Variants in MAP7D2 observed in about 807,000 individuals in gnomAD.
MAP7D2 encodes MAP7 domain containing 2, also known as MAP7 domain-containing protein 2.
Under a neutral mutation model 63.5 loss-of-function variants are expected in MAP7D2, and 33 were observed. The observed-to-expected ratio is 0.52, with a 90% CI of 0.39 to 0.70. The LOEUF is 0.70. Among genes scored for constraint, MAP7D2 ranks in the 30% least tolerant of loss-of-function variants. The pLI is 0.00. For synonymous variants in MAP7D2, 224 were observed against 223.7 expected (o/e 1.00, Z -0.01); for missense variants, 626 against 604.0 (o/e 1.04, Z -0.38).
chrX:20,110,291 C>G (rs1004065221), intron 1 of MAP7D2, among the ~76,000 whole-genome samples: 2 of 109,460 alleles, frequency 1.8e-5, no homozygotes, highest in Admixed American at 9.8e-5. Flanking sequence ...AGTTCAAGAC[C>G]AGCCTGGCCA....
chrX:20,010,365 G>A (rs2073151061), intron 16 of MAP7D2, among the ~76,000 whole-genome samples: 1 of 112,133 alleles, frequency 8.9e-6, no homozygotes, highest in Admixed American at 9.4e-5. Flanking sequence ...CTGTGGCCCT[G>A]TATATGAATG....
At chrX:20,048,527 T>G (rs2064858235) in intron 6 of MAP7D2, among the ~76,000 whole-genome samples, 2 of 110,532 alleles carry the variant, frequency 1.8e-5, no homozygotes, top group Non-Finnish European at 3.8e-5. Flanking sequence ...GATCCTGGAG[T>G]TGCTCTTAGG....
intron 11 of MAP7D2, 146 bp downstream of exon 11, chrX:20,015,948 G>T: frequency 1.8e-6 from 1 of 563,721 alleles, no homozygotes; most frequent in Non-Finnish European, 2.9e-6. Flanking sequence ...CACTGCAACT[G>T]CCCCAACTTA....
At chrX:20,086,133 A>G (rs911304151) in intron 1 of MAP7D2, among the ~76,000 whole-genome samples, 1 of 112,626 alleles carries the variant, frequency 8.9e-6, no homozygotes, top group Non-Finnish European at 1.9e-5. Context: ...TAATAAAGGC[A>G]TTTCAAATAC....
chrX:20,042,505 G>C lies in MAP7D2; in HGVS notation c.1004C>G (p.Ser335Cys). Residue 335 changes from serine (S) to cysteine (C), a missense_variant, in exon 8 of 17, where the codon TCC becomes TGC. By Grantham distance (112) the Ser-to-Cys change is moderately radical. Transcript: ENST00000379643. Reference protein sequence around the residue: ...IPKRPSSPVISKTATKAYPQS... With the variant: ...IPKRPSSPVICKTATKAYPQS... ...GGCAAAGGGGAGAGATGCTTACTTGGATATCACAGGAGAAGATGGTCTCTT... is the reference window on the plus strand; with the variant it reads ...GGCAAAGGGGAGAGATGCTTACTTGCATATCACAGGAGAAGATGGTCTCTT... The C allele has an allele frequency of 8.3e-7, 1 of 1,210,823 alleles. No homozygotes were observed. Among genetic ancestry groups the C allele is most frequent in the South Asian group, 1.8e-5 (1 of 56,871 alleles).
intron 1 of MAP7D2, among the ~76,000 whole-genome samples, chrX:20,092,965 G>A (rs2066109267): frequency 8.9e-6 from 1 of 111,935 alleles, no homozygotes; most frequent in Admixed American, 9.5e-5. Context: ...ACTCACATGG[G>A]CCACACACTG....
chrX:20,021,126 T>C (rs2073624476), intron 10 of MAP7D2, among the ~76,000 whole-genome samples: 1 of 112,434 alleles, frequency 8.9e-6, no homozygotes, highest in African/African-American at 3.2e-5. Context: ...ACCCGGCGTC[T>C]AAGGTTTCCT....
intron 8 of MAP7D2, among the ~76,000 whole-genome samples, chrX:20,030,761 C>A (rs2074021862): frequency 8.9e-6 from 1 of 111,745 alleles, no homozygotes; most frequent in Admixed American, 9.5e-5. Flanking sequence ...GAAAGAGCAG[C>A]AGTTTTATAC....
intron 9 of MAP7D2, among the ~76,000 whole-genome samples, chrX:20,025,446 C>T (rs986088649): frequency 8.9e-6 from 1 of 111,886 alleles, no homozygotes; most frequent in Non-Finnish European, 1.9e-5. Context: ...TCAGCATCCC[C>T]GTGAGCTTCC....
At chrX:20,116,460 C>T in intron 1 of MAP7D2, 1 of 577,313 alleles carries the variant, frequency 1.7e-6, no homozygotes, top group Non-Finnish European at 2.2e-6. Flanking sequence ...CCCGCAGCAC[C>T]CCCTCAGGCA....
intron 1 of MAP7D2, among the ~76,000 whole-genome samples, chrX:20,095,743 CA>C (rs902572710): frequency 2.7e-5 from 3 of 111,633 alleles, no homozygotes; most frequent in Non-Finnish European, 5.6e-5. Flanking sequence ...AATGGATAAA[CA>C]AAATGTGGTA....
rs184432892 is a variant in MAP7D2 at position 20,063,525 on chromosome X, G to A, written c.261C>T (p.Tyr87=). ...GCCATCGCTCCTCCATTTGCTTTTC[G>A]TACTGCAGCCTGGCTCTTTTCTGTT... ...LEKQKRARLQ[Y]EKQMEERWRK... is the part of the protein sequence containing the mutation. The change falls in exon 3 of 17, where the codon TAC becomes TAT. Residue 87 remains tyrosine, a synonymous_variant. Transcript: ENST00000379643. 7.0e-5 allele frequency: 85 copies of A among 1,210,490 alleles called. No individual in the cohort carries two copies. Among genetic ancestry groups the A allele is most frequent in the Non-Finnish European group, 6.6e-5 (59 of 895,211 alleles).
At chrX:20,107,583 AAATT>A (rs952423362) in intron 1 of MAP7D2, among the ~76,000 whole-genome samples, 3 of 110,191 alleles carry the variant, frequency 2.7e-5, no homozygotes, top group African/African-American at 6.7e-5. Flanking sequence ...GCCCCCCCCA[AAATT>A]AATTAATTAA....
chrX:20,097,695 C>A (rs1282158891), intron 1 of MAP7D2, among the ~76,000 whole-genome samples: 5 of 111,672 alleles, frequency 4.5e-5, no homozygotes, highest in Non-Finnish European at 9.4e-5. Flanking sequence ...AAAGAAATGT[C>A]ATTTCTATGC....
intron 1 of MAP7D2, among the ~76,000 whole-genome samples, chrX:20,115,311 C>T (rs1428903356): frequency 2.8e-5 from 3 of 106,252 alleles, no homozygotes; most frequent in African/African-American, 1.0e-4. Context: ...CCCAATCATA[C>T]CGCCCCTCCC....
intron 1 of MAP7D2, among the ~76,000 whole-genome samples, chrX:20,065,139 G>T (rs2065319539): frequency 8.9e-6 from 1 of 112,039 alleles, no homozygotes; most frequent in South Asian, 3.7e-4. Context: ...AGTGTGCAGA[G>T]AAGCCCACTA....
intron 1 of MAP7D2, among the ~76,000 whole-genome samples, chrX:20,115,254 A>C (rs1282413256): frequency 9.3e-6 from 1 of 107,974 alleles, no homozygotes; most frequent in Non-Finnish European, 1.9e-5. Flanking sequence ...AAAAAAAAAA[A>C]AAAACCCCTT....
At chrX:20,075,327 G>C (rs1047383461) in intron 1 of MAP7D2, among the ~76,000 whole-genome samples, 3 of 110,582 alleles carry the variant, frequency 2.7e-5, no homozygotes, top group Admixed American at 9.7e-5. Flanking sequence ...CAGTTATTGG[G>C]CTTTCATTAC....
At chrX:20,097,704 G>A (rs756669582) in intron 1 of MAP7D2, among the ~76,000 whole-genome samples, 89 of 111,773 alleles carry the variant, frequency 8.0e-4, no homozygotes, top group African/African-American at 2.5e-3. Flanking sequence ...TCATTTCTAT[G>A]CAGAAACTGA....
Sources: allele counts gnomAD v4.1 joint callset (sites outside exome capture counted in the v4.1 genomes callset), GRCh38; gene constraint gnomAD v4.1.1; transcripts MANE v1.5; gene names NCBI Gene and HGNC (gene_info 2026-07-23, HGNC 2026-07-21).